LRRC4C: variants seen among roughly 807,000 people sequenced by gnomAD.
The protein encoded by LRRC4C is leucine rich repeat containing 4C.
In LRRC4C, 5 loss-of-function variants were observed where a neutral mutation model predicts 33.6. That is an observed-to-expected ratio of 0.15 (90% CI 0.08 to 0.31). LRRC4C has a LOEUF of 0.31. Among genes scored for constraint, LRRC4C ranks in the 10% least tolerant of loss-of-function variants. The pLI is 1.00. For synonymous variants in LRRC4C, 329 were observed against 302.0 expected (o/e 1.09, Z -0.93); for missense variants, 560 against 796.7 (o/e 0.70, Z 3.58).
At chr11:41,278,979 C>T (rs1400643906) in intron 1 of LRRC4C, among the ~76,000 whole-genome samples, 2 of 152,118 alleles carry the variant, frequency 1.3e-5, no homozygotes, top group Non-Finnish European at 2.9e-5. Context: ...TGTCCCCTCT[C>T]CCATCCTCCC....
At chr11:40,923,618 G>A (rs912185558) in intron 2 of LRRC4C, among the ~76,000 whole-genome samples, 4 of 152,166 alleles carry the variant, frequency 2.6e-5, no homozygotes, top group Admixed American at 6.5e-5. Flanking sequence ...GATGCAAAAT[G>A]TAAGTAAATA....
intron 3 of LRRC4C, among the ~76,000 whole-genome samples, chr11:40,616,668 C>T (rs538049569): frequency 6.6e-6 from 1 of 151,716 alleles, no homozygotes; most frequent in Non-Finnish European, 1.5e-5. Context: ...GGACAAAAAA[C>T]CAAACACTGC....
At chr11:41,306,671 A>G in intron 1 of LRRC4C, among the ~76,000 whole-genome samples, 1 of 152,254 alleles carries the variant, frequency 6.6e-6, no homozygotes, top group East Asian at 1.9e-4. Context: ...ATATGAAAGA[A>G]GAAGCACAGG....
intron 2 of LRRC4C, among the ~76,000 whole-genome samples, chr11:40,707,442 G>A (rs1380848874): frequency 6.6e-6 from 1 of 152,102 alleles, no homozygotes; most frequent in Admixed American, 6.5e-5. Flanking sequence ...TTTGTTGAAG[G>A]CCTTTTCTGC....
chr11:41,298,444 C>T (rs1355695245), intron 1 of LRRC4C, among the ~76,000 whole-genome samples: 1 of 151,696 alleles, frequency 6.6e-6, no homozygotes. Flanking sequence ...GGATACTCAC[C>T]ACCTGTAAGC....
At chr11:40,426,845 CCTT>C (rs1449003360) in intron 3 of LRRC4C, among the ~76,000 whole-genome samples, 1 of 152,154 alleles carries the variant, frequency 6.6e-6, no homozygotes, top group Non-Finnish European at 1.5e-5. Flanking sequence ...TTCTGAAAGA[CCTT>C]CTTTCCGTTT....
rs879682748 is a variant in LRRC4C at position 41,350,542 on chromosome 11, A to G, written c.-496+108889T>C. Among the ~76,000 whole-genome samples, 50 of 151,804 alleles carry G rather than the reference A, an allele frequency of 3.3e-4. 1 individual carries two copies. Among genetic ancestry groups the G allele is most frequent in the Non-Finnish European group, 4.6e-4 (31 of 67,950 alleles). On this transcript the variant is annotated intron_variant, in intron 1 of 6. Transcript: ENST00000528697. ...AAAAAAAAAAAGAAAGAAAGAAAAA[A>G]TGTTTTCAATCTGTGCATATAGACC...
intron 5 of LRRC4C, among the ~76,000 whole-genome samples, chr11:40,201,135 C>T (rs1434230684): frequency 1.3e-5 from 2 of 152,128 alleles, no homozygotes; most frequent in Non-Finnish European, 2.9e-5. Flanking sequence ...AAAGTGTATC[C>T]ATCCTGCAGG....
chr11:41,417,762 A>C (rs1403063051), intron 1 of LRRC4C, among the ~76,000 whole-genome samples: 3 of 151,966 alleles, frequency 2.0e-5, no homozygotes, highest in Non-Finnish European at 4.4e-5. Flanking sequence ...AGTCAGTACT[A>C]GATACAGATT....
At chr11:40,277,985 GA>G (rs1698209401) in intron 4 of LRRC4C, among the ~76,000 whole-genome samples, 1 of 152,032 alleles carries the variant, frequency 6.6e-6, no homozygotes, top group African/African-American at 2.4e-5. Flanking sequence ...AACTTTCCAG[GA>G]AAACCCTACT....
intron 1 of LRRC4C, among the ~76,000 whole-genome samples, chr11:40,953,353 A>G (rs964742161): frequency 6.6e-6 from 1 of 151,898 alleles, no homozygotes; most frequent in African/African-American, 2.4e-5. Context: ...GCAGTGACAT[A>G]GGTATGGATT....
At chr11:40,589,344 A>C (rs1353448394) in intron 3 of LRRC4C, among the ~76,000 whole-genome samples, 2 of 151,786 alleles carry the variant, frequency 1.3e-5, no homozygotes, top group Non-Finnish European at 2.9e-5. Flanking sequence ...ATCTTCCTCC[A>C]TCCTTTTATT....
chr11:41,121,190 TCA>T (rs1942410745), intron 1 of LRRC4C, among the ~76,000 whole-genome samples: 1 of 152,200 alleles, frequency 6.6e-6, no homozygotes, highest in African/African-American at 2.4e-5. Flanking sequence ...TTTTCAATTA[TCA>T]CTTTTTGGAG....
At chr11:40,777,671 G>T (rs1950059881) in intron 2 of LRRC4C, among the ~76,000 whole-genome samples, 1 of 151,324 alleles carries the variant, frequency 6.6e-6, no homozygotes, top group Non-Finnish European at 1.5e-5. Context: ...GCAGACAAAT[G>T]GATCTTGATT....
intron 5 of LRRC4C, among the ~76,000 whole-genome samples, chr11:40,229,011 G>C (rs1213239211): frequency 6.6e-6 from 1 of 152,118 alleles, no homozygotes; most frequent in African/African-American, 2.4e-5. Flanking sequence ...GAAATATTAA[G>C]GCACATCAGA....
chr11:41,403,850 A>T, intron 1 of LRRC4C, among the ~76,000 whole-genome samples: 1 of 152,062 alleles, frequency 6.6e-6, no homozygotes, highest in African/African-American at 2.4e-5. Context: ...AGAGACTTTC[A>T]AGAAATTAGA....
intron 1 of LRRC4C, among the ~76,000 whole-genome samples, chr11:41,065,322 C>T (rs922543452): frequency 6.6e-6 from 1 of 152,188 alleles, no homozygotes; most frequent in African/African-American, 2.4e-5. Context: ...TGCAGCAAAG[C>T]GACTATGGCC....
At chr11:41,006,789 T>G (rs760290072) in intron 1 of LRRC4C, among the ~76,000 whole-genome samples, 5 of 152,132 alleles carry the variant, frequency 3.3e-5, no homozygotes, top group African/African-American at 1.2e-4. Context: ...TTTTGCAATG[T>G]CTTATATTCA....
At chr11:40,309,092 C>T (rs188255768) in intron 4 of LRRC4C, among the ~76,000 whole-genome samples, 6 of 152,302 alleles carry the variant, frequency 3.9e-5, no homozygotes, top group African/African-American at 7.2e-5. Flanking sequence ...AGCATATTCA[C>T]GGTTATGCAA....
Sources: allele counts gnomAD v4.1 joint callset (sites outside exome capture counted in the v4.1 genomes callset), GRCh38; gene constraint gnomAD v4.1.1; transcripts MANE v1.5; gene names NCBI Gene and HGNC (gene_info 2026-07-23, HGNC 2026-07-21).